TSPAN4: variants seen among roughly 807,000 people sequenced by gnomAD.
TSPAN4 encodes the protein tetraspanin 4, also known as tetraspanin-4.
Under a neutral mutation model 31.5 loss-of-function variants are expected in TSPAN4, and 38 were observed. The ratio of observed to expected loss-of-function variants is 1.21; its 90% CI spans 0.93 to 1.58. TSPAN4 has a LOEUF of 1.58. Among genes scored for constraint, TSPAN4 ranks in the 40% most tolerant of loss-of-function variants. The probability of loss-of-function intolerance (pLI) is 0.00; values close to 1 mark genes in which losing one functional copy is unlikely to be tolerated. For missense variants in TSPAN4, 330 were observed against 317.3 expected (o/e 1.04, Z -0.30); for synonymous variants, 186 against 144.6 (o/e 1.29, Z -2.06).
rs1311084914 is a variant in TSPAN4, at chr11:865,788, G to C, written c.527G>C (p.Ser176Thr). ...PDSCCLEFSE[S>T]CGLHAPGTWW... ...TCCTGCTGCTTGGAGTTCAGTGAGA[G>C]CTGTGGGCTGCACGCCCCCGGCACC... The change falls in exon 7 of 9, where the codon AGC (serine) becomes ACC (threonine). Residue 176 changes from serine to threonine, a missense_variant. Physicochemically the swap from Ser to Thr is moderately conservative, Grantham distance 58. Transcript: ENST00000397397. 2 of 1,612,546 alleles carry C rather than the reference G, an allele frequency of 1.2e-6. No homozygotes were observed. Among genetic ancestry groups the C allele is most frequent in the African/African-American group, 2.7e-5 (2 of 74,908 alleles).
chr11:851,923 C>T (rs1414690918), intron 3 of TSPAN4, among the ~76,000 whole-genome samples: 1 of 151,990 alleles, frequency 6.6e-6, no homozygotes, highest in Non-Finnish European at 1.5e-5. Flanking sequence ...AGAAGAGGGT[C>T]CTTTCCCAGG....
intron 3 of TSPAN4, 41 bp downstream of exon 3, chr11:850,408 G>A (rs762916612): frequency 1.3e-6 from 2 of 1,566,020 alleles, no homozygotes; most frequent in African/African-American, 1.3e-5. Flanking sequence ...GAAAGACCCG[G>A]GGTCCCTCCC....
intron 3 of TSPAN4, among the ~76,000 whole-genome samples, chr11:854,237 C>T (rs1470380527): frequency 6.6e-6 from 1 of 152,220 alleles, no homozygotes; most frequent in Non-Finnish European, 1.5e-5. Flanking sequence ...GGGTGCTGCT[C>T]CCCTTTCTCT....
At chr11:853,994 G>A (rs973027629) in intron 3 of TSPAN4, among the ~76,000 whole-genome samples, 4 of 152,314 alleles carry the variant, frequency 2.6e-5, no homozygotes, top group Admixed American at 2.0e-4. Flanking sequence ...GGGCTCTGCT[G>A]CCCTGGGACC....
Position 847,214 on chromosome 11 carries a change from C to G in TSPAN4, c.-104C>G, listed in dbSNP as rs1847369254. On this transcript the variant is annotated 5_prime_UTR_variant, in exon 2 of 9. Coordinates refer to ENST00000397397, the MANE Select transcript of TSPAN4 (RefSeq NM_003271.5). ...TTCCTTTTGCAGAGCTTGGGGCTTC[C>G]TTGGTCGCACCCACCACCTGCCTGC... 1 of 152,264 alleles carries G rather than the reference C, an allele frequency of 6.6e-6. No individual in the cohort carries two copies. The highest frequency in any genetic ancestry group is 2.4e-5 in the African/African-American group (1 of 41,446). 9.4% of individuals were successfully genotyped at this position (152,264 alleles called of 1,614,324 possible).
chr11:864,427 C>A lies in TSPAN4; in HGVS notation c.256-10C>A, dbSNP rs763965835. ...TTTCGGGTCCCTGTCTGAGCCTGCC[C>A]CCTCCACAGTTCTTCCTGCTGCTGC... On this transcript the variant is annotated splice_polypyrimidine_tract_variant and intron_variant, in intron 4 of 8. Transcript: ENST00000397397. 2.3e-5 allele frequency: 37 copies of A among 1,611,832 alleles called. No homozygotes were observed. Among genetic ancestry groups the A allele is most frequent in the Non-Finnish European group, 3.1e-5 (37 of 1,179,934 alleles).
At position 845,237 on chromosome 11, in the gene TSPAN4, G is replaced by A. The variant is rs559730051; in HGVS notation, c.-117-1964G>A. Among the ~76,000 whole-genome samples, 7 of 152,298 alleles carry A rather than the reference G, an allele frequency of 4.6e-5. No individual in the cohort carries two copies. The East Asian group carries it at 1.4e-3, about 29-fold the overall frequency. ...TCACCCCCAGGGTGCTGTGGGATGGGGTGGGTGCACACGGCGCCACGAGCA... is the reference window on the plus strand; with the variant it reads ...TCACCCCCAGGGTGCTGTGGGATGGAGTGGGTGCACACGGCGCCACGAGCA... On this transcript the variant is annotated intron_variant, in intron 1 of 8. Coordinates refer to ENST00000397397, the MANE Select transcript of TSPAN4 (RefSeq NM_003271.5).
At chr11:865,657 C>T (rs1292670548) in intron 6 of TSPAN4, 37 bp from the exon 7 acceptor site, 3 of 1,612,340 alleles carry the variant, frequency 1.9e-6, no homozygotes, top group Non-Finnish European at 2.5e-6. Flanking sequence ...GTGCCCCCTC[C>T]CCTCCTGCCT....
intron 3 of TSPAN4, among the ~76,000 whole-genome samples, chr11:861,864 A>G (rs1450053755): frequency 1.3e-5 from 2 of 152,234 alleles, no homozygotes; most frequent in African/African-American, 4.8e-5. Context: ...AGGAGGTTGC[A>G]GTGAGCCCAG....
chr11:862,979 C>T (rs1589792974), intron 4 of TSPAN4: 2 of 519,862 alleles, frequency 3.8e-6, no homozygotes, highest in South Asian at 2.7e-5. Flanking sequence ...ACGTGCTGTA[C>T]CTTGTCAGGG....
Position 865,551 on chromosome 11 carries a change from G to A in TSPAN4, c.369G>A (p.Leu123=), listed in dbSNP as rs1018399535. ...CCCAGCAAGACCTGAAGAAAGGCTT[G>A]CACCTGTACGGCACGCAGGGCAACG... ...RYAQQDLKKG[L]HLYGTQGNVG... is the part of the protein sequence containing the mutation. The change falls in exon 6 of 9, where the codon TTG becomes TTA. Residue 123 remains leucine, a synonymous_variant. Transcript: ENST00000397397. 3 of 1,612,346 alleles carry A rather than the reference G, an allele frequency of 1.9e-6. No homozygotes were observed. Among genetic ancestry groups the A allele is most frequent in the African/African-American group, 2.7e-5 (2 of 74,888 alleles).
chr11:856,834 T>G (rs1469873891), intron 3 of TSPAN4: 1 of 152,288 alleles, frequency 6.6e-6, no homozygotes, highest in Non-Finnish European at 1.5e-5. Context: ...GAGGCTATAA[T>G]TTTCCTGCCA....
At chr11:844,724 A>T (rs1226126843) in intron 1 of TSPAN4, 3 of 118,186 alleles carry the variant, frequency 2.5e-5, no homozygotes, top group Non-Finnish European at 3.4e-5. Flanking sequence ...GGGGTCTGGG[A>T]TGGGGCCAGG....
chr11:844,717 GTCTGGGAT>G (rs1847203884), intron 1 of TSPAN4: 2 of 144,816 alleles, frequency 1.4e-5, no homozygotes, highest in African/African-American at 5.1e-5. Flanking sequence ...GGGGGGGGGG[GTCTGGGAT>G]GGGGCCAGGA....
chr11:865,419 A>C, intron 5 of TSPAN4, 94 bp from the exon 6 acceptor site: 1 of 980,268 alleles, frequency 1.0e-6, no homozygotes, highest in Non-Finnish European at 1.6e-6. Flanking sequence ...GACCAGGCGC[A>C]GGAGGGGCCC....
At chr11:844,799 A>T (rs1242146582) in intron 1 of TSPAN4, among the ~76,000 whole-genome samples, 1 of 151,852 alleles carries the variant, frequency 6.6e-6, no homozygotes, top group East Asian at 1.9e-4. Context: ...GGCAGGGCAC[A>T]GGGAGCAGAG....
In TSPAN4 at chr11:866,736, AGGAG is replaced by A; in HGVS notation, c.*118_*121del. 36 of 1,165,364 alleles carry A rather than the reference AGGAG, an allele frequency of 3.1e-5. No homozygotes were observed. The highest frequency in any genetic ancestry group is 7.5e-5 in the Admixed American group (3 of 39,800). 72.2% of individuals were successfully genotyped at this position (1,165,364 alleles called of 1,614,324 possible). A position where few individuals can be genotyped will look rare whatever the true frequency, so the allele number is the denominator to read the frequency against. On this transcript the variant is annotated 3_prime_UTR_variant, in exon 9 of 9. Coordinates refer to ENST00000397397, the MANE Select transcript of TSPAN4 (RefSeq NM_003271.5). The stretch of plus-strand genomic sequence containing the variant: ...CCTCGGTGCTCTGCCCCATGCTGGG[AGGAG>A]GGAGGGAGGGACAGGTGCCTGGAGC...
At chr11:851,879 C>T (rs979424529) in intron 3 of TSPAN4, among the ~76,000 whole-genome samples, 6 of 152,104 alleles carry the variant, frequency 3.9e-5, no homozygotes, top group African/African-American at 9.7e-5. Flanking sequence ...CTCCTCCTGT[C>T]CTCCGTGGCC....
At chr11:861,898 G>C (rs1163561948) in intron 3 of TSPAN4, among the ~76,000 whole-genome samples, 2 of 152,300 alleles carry the variant, frequency 1.3e-5, no homozygotes, top group Admixed American at 6.5e-5. Context: ...ACTCCAGCCT[G>C]AGCAACAGGG....
Sources: allele counts gnomAD v4.1 joint callset (sites outside exome capture counted in the v4.1 genomes callset), GRCh38; gene constraint gnomAD v4.1.1; transcripts MANE v1.5; gene names NCBI Gene and HGNC (gene_info 2026-07-23, HGNC 2026-07-21).